The following PRKCH variants were observed in gnomAD, a reference collection of about 807,000 sequenced individuals.
PRKCH encodes protein kinase C eta type.
In PRKCH, 28 loss-of-function variants were observed where a neutral mutation model predicts 82.5. The ratio of observed to expected loss-of-function variants is 0.34; its 90% CI spans 0.25 to 0.47. The LOEUF is 0.47. Among genes scored for constraint, PRKCH ranks in the 20% least tolerant of loss-of-function variants. PRKCH has a pLI of 1.00. For synonymous variants in PRKCH, 322 were observed against 327.4 expected, an observed-to-expected ratio of 0.98 and a Z score of 0.18; for missense variants, 705 against 881.8, an observed-to-expected ratio of 0.80 and a Z score of 2.54.
rs1566938924 is a variant in PRKCH at position 61,547,738 on chromosome 14, C to T, written c.1762-5C>T. 6.2e-7 allele frequency: 1 copy of T among 1,611,830 alleles called. No homozygotes were observed. The highest frequency in any genetic ancestry group is 1.1e-5 in the South Asian group (1 of 90,814). ...TGATTGACACTTTCTCTCTCTCTCA[C>T]TCAGTTCATGACCAAGAACCCCACC... is the stretch of plus-strand genomic sequence containing the variant. On this transcript the variant is annotated splice_region_variant and splice_polypyrimidine_tract_variant and intron_variant, in intron 12 of 13. Coordinates refer to ENST00000332981, the MANE Select transcript of PRKCH (RefSeq NM_006255.5).
chr14:61,469,439 G>A (rs1459016900), intron 9 of PRKCH, among the ~76,000 whole-genome samples: 2 of 152,224 alleles, frequency 1.3e-5, no homozygotes, highest in Admixed American at 1.3e-4. Context: ...TTGGCTGTGA[G>A]ACTAAAGCCA....
intron 10 of PRKCH, among the ~76,000 whole-genome samples, chr14:61,508,738 GGT>G (rs1209992382): frequency 6.6e-6 from 1 of 152,054 alleles, no homozygotes; most frequent in Non-Finnish European, 1.5e-5. Context: ...TATCACATAT[GGT>G]AAGGATGAAA....
chr14:61,425,451 C>A (rs891197421), intron 2 of PRKCH, among the ~76,000 whole-genome samples: 1 of 152,208 alleles, frequency 6.6e-6, no homozygotes, highest in African/African-American at 2.4e-5. Context: ...TTAATAACTG[C>A]CCCACTGGAT....
chr14:61,193,445 A>C (rs540328836), intron 1 of PRKCH, among the ~76,000 whole-genome samples: 1 of 152,204 alleles, frequency 6.6e-6, no homozygotes, highest in African/African-American at 2.4e-5. Context: ...TTACTTTGCA[A>C]ATTTCAATCT....
intron 1 of PRKCH, chr14:61,304,078 C>T (rs1305378513): frequency 1.3e-5 from 2 of 151,960 alleles, no homozygotes; most frequent in African/African-American, 2.4e-5. Flanking sequence ...TCAGCACAAC[C>T]TTAACAGTCT....
intron 10 of PRKCH, among the ~76,000 whole-genome samples, chr14:61,512,134 A>G (rs1185606279): frequency 6.6e-6 from 1 of 151,996 alleles, no homozygotes; most frequent in Non-Finnish European, 1.5e-5. Flanking sequence ...CTTGTGTTCT[A>G]CAAACTCTAC....
At chr14:61,463,798 C>T (rs990096349) in intron 9 of PRKCH, among the ~76,000 whole-genome samples, 2 of 152,202 alleles carry the variant, frequency 1.3e-5, no homozygotes, top group Non-Finnish European at 2.9e-5. Context: ...TATTTGATTA[C>T]ACATATCAGT....
upstream of PRKCH, among the ~76,000 whole-genome samples, chr14:61,318,461 TCC>T (rs1391495247): frequency 4.0e-5 from 6 of 148,210 alleles, no homozygotes; most frequent in East Asian, 8.2e-4. Context: ...CACCTTGTCC[TCC>T]CAAAGTGCTG....
chr14:61,263,848 TG>T (rs907164594), intron 1 of PRKCH, among the ~76,000 whole-genome samples: 55 of 608 alleles, frequency 0.09, no homozygotes, highest in Middle Eastern at 0.5. Context: ...GTCAGAGTAT[TG>T]TGTGTGTGTG....
At chr14:61,230,854 T>C (rs2044737497) in intron 1 of PRKCH, among the ~76,000 whole-genome samples, 1 of 152,186 alleles carries the variant, frequency 6.6e-6, no homozygotes, top group Non-Finnish European at 1.5e-5. Flanking sequence ...CTTGTTAAAA[T>C]AGTCACAAAG....
chr14:61,496,468 C>T (rs529072816), intron 10 of PRKCH, among the ~76,000 whole-genome samples: 37 of 152,312 alleles, frequency 2.4e-4, no homozygotes, highest in African/African-American at 8.9e-4. Context: ...GAATGCTCCC[C>T]CATCTCTTTG....
chr14:61,489,872 C>G (rs1886384397), intron 10 of PRKCH, among the ~76,000 whole-genome samples: 1 of 152,230 alleles, frequency 6.6e-6, no homozygotes, highest in Non-Finnish European at 1.5e-5. Context: ...AAGGGAAACT[C>G]AGCTGTCATT....
At chr14:61,373,387 T>C (rs918291863) in intron 1 of PRKCH, among the ~76,000 whole-genome samples, 22 of 151,742 alleles carry the variant, frequency 1.4e-4, no homozygotes, top group Non-Finnish European at 4.4e-5. Context: ...ACCAACCAGA[T>C]GTCATGAGAA....
intron 2 of PRKCH, among the ~76,000 whole-genome samples, chr14:61,431,049 C>T (rs115557414): frequency 0.01 from 1,547 of 152,342 alleles, 20 homozygotes; most frequent in African/African-American, 0.033. Flanking sequence ...CCGCGGCACC[C>T]GGCCAATCAG....
At chr14:61,426,230 G>A (rs1015730810) in intron 2 of PRKCH, among the ~76,000 whole-genome samples, 1 of 152,192 alleles carries the variant, frequency 6.6e-6, no homozygotes, top group Non-Finnish European at 1.5e-5. Context: ...GCTTCTTCAT[G>A]TAGAGGAACA....
At chr14:61,254,905 A>G (rs1015666777) in intron 1 of PRKCH, among the ~76,000 whole-genome samples, 1 of 152,104 alleles carries the variant, frequency 6.6e-6, no homozygotes, top group Non-Finnish European at 1.5e-5. Context: ...TTCCTCCTTC[A>G]TTCCTCCTTC....
At chr14:61,216,254 TC>T (rs1007584537) in intron 1 of PRKCH, among the ~76,000 whole-genome samples, 2 of 152,016 alleles carry the variant, frequency 1.3e-5, no homozygotes, top group Admixed American at 6.5e-5. Flanking sequence ...TCACCTAAGG[TC>T]GGGAGTTCAA....
chr14:61,445,772 A>G, intron 4 of PRKCH, 46 bp downstream of exon 4: 1 of 1,538,968 alleles, frequency 6.5e-7, no homozygotes, highest in Non-Finnish European at 9.0e-7. Flanking sequence ...TTCCTATGTT[A>G]AAAGAAATGA....
At chr14:61,245,663 G>GGTCAGCCTCACAGTC (rs2140069210) in intron 1 of PRKCH, among the ~76,000 whole-genome samples, 1 of 152,176 alleles carries the variant, frequency 6.6e-6, no homozygotes, top group South Asian at 2.1e-4. Context: ...GCCTTACAGT[G>GGTCAGCCTCACAGTC]GTCAGCCTCC....
Sources: allele counts gnomAD v4.1 joint callset (sites outside exome capture counted in the v4.1 genomes callset), GRCh38; gene constraint gnomAD v4.1.1; transcripts MANE v1.5; gene names NCBI Gene and HGNC (gene_info 2026-07-23, HGNC 2026-07-21).